Variants in ERBB4 observed in about 807,000 individuals in gnomAD.
ERBB4 encodes the protein erb-b2 receptor tyrosine kinase 4, also known as receptor tyrosine-protein kinase erbB-4.
ERBB4 carries 42 observed loss-of-function variants against 158.0 expected under a neutral mutation model. The observed-to-expected ratio is 0.27, with a 90% CI of 0.21 to 0.34. The LOEUF (loss-of-function observed/expected upper bound fraction) is 0.34, where lower values mean the gene tolerates loss of function less well. Among genes scored for constraint, ERBB4 ranks in the 10% least tolerant of loss-of-function variants. ERBB4 has a pLI of 1.00. For synonymous variants in ERBB4, 583 were observed against 558.7 expected (o/e 1.04, Z -0.61); for missense variants, 1,333 against 1,624.1 (o/e 0.82, Z 3.08).
At chr2:212,024,250 T>A (rs2076722863) in intron 2 of ERBB4, among the ~76,000 whole-genome samples, 1 of 151,984 alleles carries the variant, frequency 6.6e-6, no homozygotes, top group Non-Finnish European at 1.5e-5. Context: ...TTTCATTCTA[T>A]ACCTCTGTCC....
chr2:212,526,303 T>C (rs905486170), intron 1 of ERBB4, among the ~76,000 whole-genome samples: 1 of 152,050 alleles, frequency 6.6e-6, no homozygotes, highest in African/African-American at 2.4e-5. Flanking sequence ...GTGCTAATTC[T>C]GGCCACAAGC....
At chr2:211,816,441 T>G (rs2076881441) in intron 3 of ERBB4, among the ~76,000 whole-genome samples, 1 of 147,346 alleles carries the variant, frequency 6.8e-6, no homozygotes, top group South Asian at 2.1e-4. Context: ...CTTGGGAGGC[T>G]GAGGCACGAG....
chr2:212,446,320 G>A (rs1169451800), intron 1 of ERBB4, among the ~76,000 whole-genome samples: 1 of 149,858 alleles, frequency 6.7e-6, no homozygotes, highest in African/African-American at 2.5e-5. Context: ...GCTGGGGAAG[G>A]CAGATCTACC....
At chr2:211,431,191 G>C (rs2063742058) in intron 20 of ERBB4, 91 bp from the exon 21 acceptor site, 1 of 1,195,306 alleles carries the variant, frequency 8.4e-7, no homozygotes, top group Admixed American at 1.9e-5. Flanking sequence ...TCAGTTGGAA[G>C]TGCCTAATTT....
At chr2:212,054,980 C>G (rs905111546) in intron 2 of ERBB4, among the ~76,000 whole-genome samples, 4 of 151,966 alleles carry the variant, frequency 2.6e-5, no homozygotes, top group Non-Finnish European at 2.9e-5. Flanking sequence ...GCCCACTGAG[C>G]GAGAGCCAAA....
intron 2 of ERBB4, among the ~76,000 whole-genome samples, chr2:212,069,849 G>A (rs2078058110): frequency 6.6e-6 from 1 of 151,958 alleles, no homozygotes; most frequent in Non-Finnish European, 1.5e-5. Context: ...TGGGTACGGT[G>A]GCTCCTGTCT....
chr2:211,828,774 T>TA (rs1303809095), intron 3 of ERBB4, among the ~76,000 whole-genome samples: 1 of 152,100 alleles, frequency 6.6e-6, no homozygotes, highest in African/African-American at 2.4e-5. Context: ...AGTCTGGACT[T>TA]ACTTCTCACC....
intron 2 of ERBB4, among the ~76,000 whole-genome samples, chr2:211,999,357 T>C (rs996252584): frequency 1.3e-5 from 2 of 151,858 alleles, no homozygotes; most frequent in Non-Finnish European, 3.0e-5. Flanking sequence ...ATTCATGCTC[T>C]TGGGGCATGA....
intron 20 of ERBB4, among the ~76,000 whole-genome samples, chr2:211,500,219 T>A (rs1362297779): frequency 6.6e-6 from 1 of 152,138 alleles, no homozygotes; most frequent in African/African-American, 2.4e-5. Flanking sequence ...TTTATAGCCA[T>A]TTAAAAGGGT....
chr2:212,001,888 C>T (rs2076113910), intron 2 of ERBB4, among the ~76,000 whole-genome samples: 1 of 152,072 alleles, frequency 6.6e-6, no homozygotes, highest in South Asian at 2.1e-4. Flanking sequence ...TATAATGTTT[C>T]AATAAAGAAG....
chr2:211,530,754 G>A (rs1158400466), intron 20 of ERBB4, among the ~76,000 whole-genome samples: 2 of 152,084 alleles, frequency 1.3e-5, no homozygotes, highest in Non-Finnish European at 2.9e-5. Flanking sequence ...GCCAGGCCTG[G>A]TGGTGTGTGC....
intron 1 of ERBB4, among the ~76,000 whole-genome samples, chr2:212,307,982 GACA>G: frequency 6.7e-6 from 1 of 150,332 alleles, no homozygotes; most frequent in Non-Finnish European, 1.5e-5. Flanking sequence ...ATAACCAAGA[GACA>G]ACGTTATCTG....
At chr2:211,472,409 A>G (rs1470860736) in intron 20 of ERBB4, among the ~76,000 whole-genome samples, 1 of 151,080 alleles carries the variant, frequency 6.6e-6, no homozygotes, top group African/African-American at 2.4e-5. Flanking sequence ...GAAGAGAGAC[A>G]GGGATGTTAG....
intron 19 of ERBB4, among the ~76,000 whole-genome samples, chr2:211,593,745 A>G (rs2068544900): frequency 6.6e-6 from 1 of 152,186 alleles, no homozygotes; most frequent in South Asian, 2.1e-4. Flanking sequence ...GTGCAAAACA[A>G]CCACCACCCT....
chr2:211,635,698 G>C (rs1220931349), intron 16 of ERBB4, among the ~76,000 whole-genome samples: 2 of 151,890 alleles, frequency 1.3e-5, no homozygotes, highest in Non-Finnish European at 2.9e-5. Flanking sequence ...AATGTTATAA[G>C]GACTGGCTAT....
At chr2:211,834,322 G>A (rs2077289707) in intron 3 of ERBB4, among the ~76,000 whole-genome samples, 3 of 152,048 alleles carry the variant, frequency 2.0e-5, no homozygotes, top group African/African-American at 4.8e-5. Context: ...AAGTCACTGC[G>A]ACTGCTCAAC....
chr2:212,312,694 G>A (rs2087102807), intron 1 of ERBB4, among the ~76,000 whole-genome samples: 1 of 150,820 alleles, frequency 6.6e-6, no homozygotes, highest in African/African-American at 2.4e-5. Flanking sequence ...TGATCAAGAT[G>A]GAAAACAGCA....
intron 3 of ERBB4, among the ~76,000 whole-genome samples, chr2:211,812,509 G>T (rs1347562796): frequency 6.6e-6 from 1 of 152,202 alleles, no homozygotes; most frequent in African/African-American, 2.4e-5. Context: ...GGACCCACTT[G>T]AGGAGGCAGT....
chr2:212,424,688 C>T (rs1050266745), intron 1 of ERBB4, among the ~76,000 whole-genome samples: 1 of 151,928 alleles, frequency 6.6e-6, no homozygotes, highest in African/African-American at 2.4e-5. Flanking sequence ...AACTAGATTA[C>T]CCTGGATTAA....
Sources: allele counts gnomAD v4.1 joint callset (sites outside exome capture counted in the v4.1 genomes callset), GRCh38; gene constraint gnomAD v4.1.1; transcripts MANE v1.5; gene names NCBI Gene and HGNC (gene_info 2026-07-23, HGNC 2026-07-21).